PATJ: variants seen among roughly 807,000 people sequenced by gnomAD.
PATJ encodes the protein PATJ crumbs cell polarity complex component.
Under a neutral mutation model 224.9 loss-of-function variants are expected in PATJ, and 190 were observed. The ratio of observed to expected loss-of-function variants is 0.84; its 90% CI spans 0.75 to 0.95. PATJ has a LOEUF of 0.95. Ranked by LOEUF, PATJ falls within the 40% of genes least tolerant of loss-of-function variation. The pLI, the probability that PATJ is intolerant of heterozygous loss-of-function variation, is 0.00. For missense variants in PATJ, 2,121 were observed against 2,270.3 expected (o/e 0.93, Z 1.34); for synonymous variants, 769 against 820.3 (o/e 0.94, Z 1.07).
chr1:62,098,358 CAA>C (rs57285107), intron 33 of PATJ, among the ~76,000 whole-genome samples: 2 of 123,432 alleles, frequency 1.6e-5, no homozygotes, highest in Non-Finnish European at 1.7e-5. Context: ...GACTCCATCT[CAA>C]AAAAAAAAAG....
intron 5 of PATJ, among the ~76,000 whole-genome samples, chr1:61,771,151 C>T (rs1411325672): frequency 6.6e-6 from 1 of 152,016 alleles, no homozygotes; most frequent in Non-Finnish European, 1.5e-5. Context: ...ACTTGCAAAA[C>T]CTTGGCGGTG....
At chr1:61,761,232 C>T (rs1170435966) in intron 1 of PATJ, among the ~76,000 whole-genome samples, 1 of 152,122 alleles carries the variant, frequency 6.6e-6, no homozygotes, top group Admixed American at 6.6e-5. Context: ...CTGCCTTGGC[C>T]TCCTAAAGTA....
chr1:62,076,042 A>T (rs1284458521), intron 31 of PATJ, among the ~76,000 whole-genome samples: 1 of 151,978 alleles, frequency 6.6e-6, no homozygotes, highest in Non-Finnish European at 1.5e-5. Flanking sequence ...AGAGAGCTTT[A>T]AAAAAAATCA....
intron 41 of PATJ, among the ~76,000 whole-genome samples, chr1:62,135,160 G>A (rs1666691871): frequency 6.6e-6 from 1 of 152,054 alleles, no homozygotes; most frequent in Admixed American, 6.6e-5. Context: ...AAATTTCTCA[G>A]GTGATTCTAA....
At chr1:62,031,653 T>G (rs1319514274) in intron 29 of PATJ, among the ~76,000 whole-genome samples, 2 of 152,220 alleles carry the variant, frequency 1.3e-5, no homozygotes, top group Non-Finnish European at 2.9e-5. Context: ...TGGCTCTGGA[T>G]AGGCTATGAA....
At chr1:61,854,956 T>C (rs1191660225) in intron 17 of PATJ, among the ~76,000 whole-genome samples, 1 of 152,182 alleles carries the variant, frequency 6.6e-6, no homozygotes, top group East Asian at 1.9e-4. Flanking sequence ...TGTATTGGAA[T>C]AGTTGTGACC....
At chr1:61,754,406 T>C (rs1446860710) in intron 1 of PATJ, among the ~76,000 whole-genome samples, 1 of 152,106 alleles carries the variant, frequency 6.6e-6, no homozygotes, top group African/African-American at 2.4e-5. Flanking sequence ...TATACTCTTT[T>C]TTGTCATAGC....
At chr1:61,865,540 A>G (rs1243694180) in intron 20 of PATJ, 1 of 152,114 alleles carries the variant, frequency 6.6e-6, no homozygotes, top group African/African-American at 2.4e-5. Flanking sequence ...CACTGTGCCC[A>G]GCGAAGAGCA....
chr1:61,801,856 T>C, intron 12 of PATJ, 87 bp downstream of exon 12: 1 of 934,186 alleles, frequency 1.1e-6, no homozygotes, highest in South Asian at 4.0e-5. Context: ...GTATGAGAAA[T>C]CTTAGAGGCA....
intron 27 of PATJ, among the ~76,000 whole-genome samples, chr1:61,932,990 T>G (rs1358591954): frequency 6.6e-6 from 1 of 152,228 alleles, no homozygotes; most frequent in Non-Finnish European, 1.5e-5. Flanking sequence ...TGGTATGTAA[T>G]GGGCATTTCT....
At chr1:62,039,160 C>T (rs1368082196) in intron 30 of PATJ, 7 of 588,894 alleles carry the variant, frequency 1.2e-5, no homozygotes, top group Non-Finnish European at 2.3e-5. Context: ...TCCATCCTAC[C>T]TTTGTTAATT....
At chr1:61,929,774 C>T (rs562057207) in intron 27 of PATJ, among the ~76,000 whole-genome samples, 1 of 152,282 alleles carries the variant, frequency 6.6e-6, no homozygotes, top group East Asian at 1.9e-4. Flanking sequence ...AATTCCAGCA[C>T]TTTGGGAGGC....
chr1:61,814,229 C>T (rs530446821), intron 14 of PATJ, among the ~76,000 whole-genome samples: 3 of 150,338 alleles, frequency 2.0e-5, no homozygotes, highest in Non-Finnish European at 4.4e-5. Flanking sequence ...CTGCAACCTC[C>T]GCCTGCTGGG....
intron 9 of PATJ, among the ~76,000 whole-genome samples, chr1:61,793,476 C>T (rs568114674): frequency 3.2e-4 from 48 of 152,218 alleles, no homozygotes; most frequent in Non-Finnish European, 5.3e-4. Context: ...CTTGGTGGCT[C>T]ATGCCTGTAA....
In PATJ at chr1:61,822,969, C is replaced by A; in HGVS notation, c.1708C>A (p.Leu570Ile). The A allele has an allele frequency of 6.2e-7, 1 of 1,614,072 alleles. No homozygotes were observed. The highest frequency in any genetic ancestry group is 8.5e-7 in the Non-Finnish European group (1 of 1,179,994). Reference protein sequence around the residue: ...SKLLPIHTLRLGVEVDSFDGH... With the variant: ...SKLLPIHTLRIGVEVDSFDGH... Reference sequence around the variant, plus strand: ...GCTGCTGCCTATTCACACTCTGAGGCTTGGTGTGGAAGTGGATTCCTTTGA... The same window carrying A: ...GCTGCTGCCTATTCACACTCTGAGGATTGGTGTGGAAGTGGATTCCTTTGA... The change falls in exon 15 of 44, where the codon CTT becomes ATT. Residue 570 changes from leucine to isoleucine, a missense_variant. Leu to Ile is a conservative substitution (Grantham distance 5, BLOSUM62 2). Coordinates refer to ENST00000642238, the MANE Select transcript of PATJ (RefSeq NM_001350145.3).
intron 27 of PATJ, among the ~76,000 whole-genome samples, chr1:61,978,170 T>G (rs1644246445): frequency 6.6e-6 from 1 of 151,882 alleles, no homozygotes; most frequent in Non-Finnish European, 1.5e-5. Context: ...ACATTTTCTC[T>G]ACTTGTTTGG....
At chr1:61,838,534 T>G (rs1356170502) in intron 17 of PATJ, among the ~76,000 whole-genome samples, 1 of 148,742 alleles carries the variant, frequency 6.7e-6, no homozygotes, top group East Asian at 2.0e-4. Flanking sequence ...TTTTTTTTTT[T>G]TTTTTTTTTG....
chr1:61,798,548 T>C (rs1256675420), intron 11 of PATJ, among the ~76,000 whole-genome samples: 1 of 152,100 alleles, frequency 6.6e-6, no homozygotes, highest in East Asian at 1.9e-4. Flanking sequence ...TGAACAAAAG[T>C]TGATAATCAT....
At chr1:61,795,638 G>A (rs1266440026) in intron 10 of PATJ, 80 bp downstream of exon 10, 6 of 802,510 alleles carry the variant, frequency 7.5e-6, no homozygotes, top group South Asian at 1.7e-5. Flanking sequence ...GTGAGAGGGG[G>A]AATAGCTTAA....
Sources: allele counts gnomAD v4.1 joint callset (sites outside exome capture counted in the v4.1 genomes callset), GRCh38; gene constraint gnomAD v4.1.1; transcripts MANE v1.5; gene names NCBI Gene and HGNC (gene_info 2026-07-23, HGNC 2026-07-21).